UNC13B: variants seen among roughly 807,000 people sequenced by gnomAD.
UNC13B encodes the protein unc-13 homolog B, also known as protein unc-13 homolog B.
UNC13B carries 144 observed loss-of-function variants against 211.0 expected under a neutral mutation model. The ratio of observed to expected loss-of-function variants is 0.68; its 90% CI spans 0.60 to 0.78. UNC13B has a LOEUF of 0.78. Ranked by LOEUF, UNC13B falls within the 30% of genes least tolerant of loss-of-function variation. The pLI is 0.00. For synonymous variants in UNC13B, 709 were observed against 725.8 expected (o/e 0.98, Z 0.37); for missense variants, 1,777 against 2,002.0 (o/e 0.89, Z 2.14).
rs908675180 is a variant in UNC13B at position 35,405,304 on chromosome 9, T to C, written c.*1271T>C. On this transcript the variant is annotated 3_prime_UTR_variant, in exon 40 of 40. Coordinates refer to ENST00000635942, the MANE Select transcript of UNC13B (RefSeq NM_001371189.2). The stretch of plus-strand genomic sequence containing the variant: ...TATGTGCCATTGTTACAGGAGATTA[T>C]AGGCTAGTCTGTAATAAATTATCTT... The C allele has an allele frequency of 6.5e-6, 1 of 152,672 alleles. No individual in the cohort carries two copies. The highest frequency in any genetic ancestry group is 2.4e-5 in the African/African-American group (1 of 41,460). The allele number at this position is 152,672 out of a possible 1,614,324, so 9.5% of individuals were successfully genotyped here.
chr9:35,353,960 T>A, intron 11 of UNC13B: 2 of 453,982 alleles, frequency 4.4e-6, no homozygotes, highest in Non-Finnish European at 7.2e-6. Flanking sequence ...GTAGAGAGCT[T>A]AAGCTAATCC....
intron 1 of UNC13B, among the ~76,000 whole-genome samples, chr9:35,214,909 G>A (rs923353026): frequency 2.0e-4 from 30 of 152,150 alleles, no homozygotes; most frequent in African/African-American, 7.2e-4. Context: ...AGTGATGAAA[G>A]GGATTTTTCT....
At chr9:35,315,263 T>C (rs1830393618) in intron 11 of UNC13B, among the ~76,000 whole-genome samples, 1 of 152,056 alleles carries the variant, frequency 6.6e-6, no homozygotes. Context: ...GATATAATGA[T>C]TTATTGAAGT....
At chr9:35,293,216 T>C (rs769755117) in intron 7 of UNC13B, among the ~76,000 whole-genome samples, 2 of 152,252 alleles carry the variant, frequency 1.3e-5, no homozygotes, top group Non-Finnish European at 2.9e-5. Flanking sequence ...ATTTGCCCTT[T>C]ATTTCTTTAG....
At chr9:35,389,232 G>A (rs1457662434) in intron 24 of UNC13B, among the ~76,000 whole-genome samples, 1 of 152,038 alleles carries the variant, frequency 6.6e-6, no homozygotes, top group Non-Finnish European at 1.5e-5. Flanking sequence ...GTATTCCCTT[G>A]CCTCTTCCCA....
intron 7 of UNC13B, among the ~76,000 whole-genome samples, chr9:35,273,791 G>A (rs973676264): frequency 1.3e-5 from 2 of 152,204 alleles, no homozygotes; most frequent in African/African-American, 4.8e-5. Context: ...ACTAGCTTTA[G>A]GCCTGTGGGC....
chr9:35,254,360 G>T (rs1299359002), intron 6 of UNC13B, among the ~76,000 whole-genome samples: 1 of 152,138 alleles, frequency 6.6e-6, no homozygotes, highest in African/African-American at 2.4e-5. Context: ...CCATTTCCTG[G>T]TTCATAGACA....
chr9:35,289,354 G>T (rs1828967429), intron 7 of UNC13B, among the ~76,000 whole-genome samples: 1 of 152,168 alleles, frequency 6.6e-6, no homozygotes, highest in Admixed American at 6.5e-5. Context: ...ACCCCACATT[G>T]AAGATTCCTT....
intron 1 of UNC13B, among the ~76,000 whole-genome samples, chr9:35,217,713 TA>T: frequency 6.6e-6 from 1 of 152,198 alleles, no homozygotes; most frequent in Admixed American, 6.5e-5. Context: ...TTACATTCAA[TA>T]GTTTACAGGC....
intron 1 of UNC13B, among the ~76,000 whole-genome samples, chr9:35,185,218 C>T (rs1409705921): frequency 6.6e-6 from 1 of 152,200 alleles, no homozygotes; most frequent in Non-Finnish European, 1.5e-5. Context: ...GAAGTCCTGG[C>T]TACAAATCAC....
At chr9:35,275,197 C>CT (rs955593660) in intron 7 of UNC13B, among the ~76,000 whole-genome samples, 1 of 152,090 alleles carries the variant, frequency 6.6e-6, no homozygotes, top group African/African-American at 2.4e-5. Context: ...AATGGGTAAA[C>CT]TAGAGTTAAA....
intron 7 of UNC13B, among the ~76,000 whole-genome samples, chr9:35,275,069 A>G (rs1828094702): frequency 6.6e-6 from 1 of 151,908 alleles, no homozygotes; most frequent in Non-Finnish European, 1.5e-5. Flanking sequence ...CCTTGGCTGG[A>G]TAAAGTTATG....
intron 1 of UNC13B, among the ~76,000 whole-genome samples, chr9:35,216,514 A>G (rs149662287): frequency 6.6e-5 from 10 of 152,316 alleles, no homozygotes; most frequent in East Asian, 3.9e-4. Context: ...CACCCCAAGA[A>G]AGCCAAAAAC....
chr9:35,351,752 A>G, intron 11 of UNC13B: 1 of 1,232,272 alleles, frequency 8.1e-7, no homozygotes, highest in Non-Finnish European at 1.0e-6. Context: ...CCAGCTTTGC[A>G]GCTTTGGGCA....
chr9:35,306,416 T>G lies in UNC13B; in HGVS notation c.7012T>G (p.Phe2338Val). The change falls in exon 9 of 40, where the codon TTT (phenylalanine) becomes GTT (valine). Residue 2338 changes from phenylalanine (F) to valine (V), a missense_variant. Physicochemically the swap from Phe to Val is conservative, Grantham distance 50. Coordinates refer to ENST00000635942, the MANE Select transcript of UNC13B (RefSeq NM_001371189.2). ...AGACATTATTCCTCCTTCACCAGAA[T>G]TTCAGGCACAGGCTGAAACATTCCT... ...QKDIIPPSPE[F>V]QAQAETFLTG... 2.5e-6 allele frequency: 1 copy of G among 399,034 alleles called. No individual in the cohort carries two copies. 24.7% of individuals were successfully genotyped at this position (399,034 alleles called of 1,614,324 possible).
intron 7 of UNC13B, among the ~76,000 whole-genome samples, chr9:35,260,997 T>G (rs1450140389): frequency 6.6e-6 from 1 of 152,210 alleles, no homozygotes; most frequent in East Asian, 1.9e-4. Context: ...TCCCATACAT[T>G]TTTCATATGT....
intron 11 of UNC13B, chr9:35,364,518 T>C (rs1205750496): frequency 8.5e-6 from 13 of 1,535,568 alleles, no homozygotes; most frequent in Non-Finnish European, 1.1e-5. Context: ...CTTTCTGCCC[T>C]TTTTTCTGCT....
chr9:35,291,038 A>C, intron 7 of UNC13B: 1 of 1,549,950 alleles, frequency 6.5e-7, no homozygotes, highest in Non-Finnish European at 8.7e-7. Context: ...ATTTTCAAAA[A>C]TTATCTGCTG....
intron 7 of UNC13B, among the ~76,000 whole-genome samples, chr9:35,284,647 T>C (rs1417471083): frequency 2.0e-5 from 3 of 152,222 alleles, no homozygotes; most frequent in African/African-American, 7.2e-5. Context: ...GTGTTTTCCT[T>C]AATTATAGGT....
Sources: allele counts gnomAD v4.1 joint callset (sites outside exome capture counted in the v4.1 genomes callset), GRCh38; gene constraint gnomAD v4.1.1; transcripts MANE v1.5; gene names NCBI Gene and HGNC (gene_info 2026-07-23, HGNC 2026-07-21).